Variants in DNAH8 observed in about 807,000 individuals in gnomAD.
The protein encoded by DNAH8 is dynein axonemal heavy chain 8.
A neutral mutation model predicts 562.1 loss-of-function variants in DNAH8; 382 were observed. The observed-to-expected ratio is 0.68, with a 90% confidence interval of 0.63 to 0.74. The LOEUF (loss-of-function observed/expected upper bound fraction) is 0.74. Among genes scored for constraint, DNAH8 ranks in the 30% least tolerant of loss-of-function variants. DNAH8 has a pLI of 0.00. For missense variants in DNAH8, 5,203 were observed against 5,620.4 expected (o/e 0.93, Z 2.37); for synonymous variants, 1,881 against 1,919.4 (o/e 0.98, Z 0.52).
chr6:38,969,953 G>A (rs12203988), intron 82 of DNAH8, among the ~76,000 whole-genome samples: 2,174 of 152,178 alleles, frequency 0.014, 19 homozygotes, highest in Middle Eastern at 0.048. Flanking sequence ...CACCAGTTAG[G>A]AGGCCATTCC....
At chr6:38,769,501 TATA>T (rs146533213) in intron 11 of DNAH8, among the ~76,000 whole-genome samples, 18,501 of 152,234 alleles carry the variant, frequency 0.12, 1,372 homozygotes, top group Admixed American at 0.21. Context: ...TCTGAATATT[TATA>T]GGAATCACTA....
chr6:38,937,916 A>G (rs1426017448), intron 77 of DNAH8, 58 bp from the exon 78 acceptor site: 5 of 1,569,144 alleles, frequency 3.2e-6, no homozygotes, highest in Non-Finnish European at 4.3e-6. Context: ...GAAGAGATGT[A>G]TCTTGCTTTG....
At chr6:38,753,264 ATGGTGT>A (rs1206741974) in intron 9 of DNAH8, among the ~76,000 whole-genome samples, 2 of 152,232 alleles carry the variant, frequency 1.3e-5, no homozygotes, top group Non-Finnish European at 2.9e-5. Flanking sequence ...CAAATTGTAT[ATGGTGT>A]TGGAGAAGTA....
At chr6:38,967,056 T>A (rs1020863882) in intron 82 of DNAH8, among the ~76,000 whole-genome samples, 1 of 152,214 alleles carries the variant, frequency 6.6e-6, no homozygotes, top group African/African-American at 2.4e-5. Flanking sequence ...AAACATTTAG[T>A]CCATTGCAGA....
intron 87 of DNAH8, among the ~76,000 whole-genome samples, chr6:38,984,668 G>A (rs1157394042): frequency 1.3e-5 from 2 of 152,172 alleles, no homozygotes; most frequent in Non-Finnish European, 2.9e-5. Flanking sequence ...GTGAGTTCCT[G>A]TAGTCCCAGC....
intron 80 of DNAH8, among the ~76,000 whole-genome samples, chr6:38,948,420 C>T (rs1248405830): frequency 3.3e-5 from 5 of 152,254 alleles, no homozygotes; most frequent in Admixed American, 3.3e-4. Flanking sequence ...CTCACAGCAA[C>T]ATCTGCCTCC....
chr6:38,833,926 T>C (rs983742682), intron 31 of DNAH8, among the ~76,000 whole-genome samples: 16 of 152,356 alleles, frequency 1.1e-4, no homozygotes, highest in Middle Eastern at 3.4e-3. Context: ...CATTTTTCCA[T>C]TGGGAGTAGC....
At position 38,787,019 on chromosome 6, in the gene DNAH8, A is replaced by G. The variant is rs1769230053; in HGVS notation, c.2583+67A>G. ...TTTGGTAAAAAAAATATGTATATATATATATATATCCCTGCAGTTATGCTT... is the reference window on the plus strand; with the variant it reads ...TTTGGTAAAAAAAATATGTATATATGTATATATATCCCTGCAGTTATGCTT... On this transcript the variant is annotated intron_variant, in intron 18 of 92. Coordinates refer to ENST00000327475, the MANE Select transcript of DNAH8 (RefSeq NM_001206927.2). The G allele has an allele frequency of 1.1e-5, 10 of 948,266 alleles. No individual in the cohort carries two copies. In the East Asian group the frequency reaches 2.5e-4, roughly 24 times the overall value. The allele number at this position is 948,266 out of a possible 1,614,324, so 58.7% of individuals were successfully genotyped here. A position where few individuals can be genotyped will look rare whatever the true frequency, so the allele number is the denominator to read the frequency against.
rs1442325899 is a variant in DNAH8, at chr6:38,982,423, G to A, written c.12912G>A (p.Gln4304=). ...CTGCTGACTTTTCAGCCAGTGTTCAGTTTATTCAGAATCACCTTGATGAAT... is the reference window on the plus strand; with the variant it reads ...CTGCTGACTTTTCAGCCAGTGTTCAATTTATTCAGAATCACCTTGATGAAT... ...FNSADFSASV[Q]FIQNHLDECD... The change falls in exon 86 of 93, where the codon CAG becomes CAA. Residue 4304 remains glutamine (Q), a synonymous_variant. Coordinates refer to ENST00000327475, the MANE Select transcript of DNAH8 (RefSeq NM_001206927.2). 1.1e-5 allele frequency: 18 copies of A among 1,607,638 alleles called. No homozygotes were observed. Among genetic ancestry groups the A allele is most frequent in the Non-Finnish European group, 1.4e-5 (17 of 1,174,358 alleles).
intron 8 of DNAH8, among the ~76,000 whole-genome samples, chr6:38,746,047 C>G (rs1764899858): frequency 6.6e-6 from 1 of 152,190 alleles, no homozygotes; most frequent in South Asian, 2.1e-4. Context: ...ATAGGTGGGT[C>G]TTGACTGCGG....
At chr6:38,870,344 G>T in intron 48 of DNAH8, 57 bp from the exon 49 acceptor site, 1 of 1,521,282 alleles carries the variant, frequency 6.6e-7, no homozygotes, top group South Asian at 1.2e-5. Flanking sequence ...ATCCCAGCTA[G>T]CTGATAAATG....
chr6:38,762,131 A>C lies in DNAH8; in HGVS notation c.1617+328A>C, dbSNP rs578222024. On this transcript the variant is annotated intron_variant, in intron 11 of 92. Coordinates refer to ENST00000327475, the MANE Select transcript of DNAH8 (RefSeq NM_001206927.2). ...TGGTTAGGATTACCATGTATCCTTA[A>C]ATAGACATGGTAGTAGTTGCCATCC... Among the ~76,000 whole-genome samples the C allele has an allele frequency of 2.0e-5, 3 of 152,296 alleles. 1 individual carries two copies. The South Asian group carries it at 6.2e-4, about 32-fold the overall frequency.
chr6:38,916,329 A>C (rs1259348051), intron 68 of DNAH8, among the ~76,000 whole-genome samples: 2 of 152,120 alleles, frequency 1.3e-5, no homozygotes. Flanking sequence ...AATTAGAGTC[A>C]TTCTTTAAAT....
chr6:38,797,118 A>C (rs1011417605), intron 21 of DNAH8, among the ~76,000 whole-genome samples: 3 of 152,186 alleles, frequency 2.0e-5, no homozygotes, highest in African/African-American at 7.2e-5. Flanking sequence ...TTGGGGCTGG[A>C]CGCGGTGACT....
rs1030190630 is a variant in DNAH8 at position 39,010,780 on chromosome 6, T to C, written c.13372-1435T>C. ...TAGATATAATTTATATATATATATATACACACACACGCACGTGTACGCACA... is the reference window on the plus strand; with the variant it reads ...TAGATATAATTTATATATATATATACACACACACACGCACGTGTACGCACA... On this transcript the variant is annotated intron_variant, in intron 89 of 92. Coordinates refer to ENST00000327475, the MANE Select transcript of DNAH8 (RefSeq NM_001206927.2). 4.9e-3 allele frequency among the ~76,000 whole-genome samples: 716 copies of C among 144,990 alleles called. 2 individuals carry two copies. Among genetic ancestry groups the C allele is most frequent in the African/African-American group, 9.4e-3 (361 of 38,352 alleles).
chr6:38,898,612 G>T (rs1316202027), intron 61 of DNAH8, among the ~76,000 whole-genome samples: 1 of 152,138 alleles, frequency 6.6e-6, no homozygotes, highest in African/African-American at 2.4e-5. Context: ...ATGGTTTTCT[G>T]TTCAGAGCTT....
chr6:38,875,978 G>C (rs1777963388), intron 53 of DNAH8, 150 bp downstream of exon 53: 2 of 626,336 alleles, frequency 3.2e-6, no homozygotes, highest in Non-Finnish European at 5.4e-6. Flanking sequence ...ATTTGAAAGA[G>C]AGTGGAATTT....
intron 79 of DNAH8, among the ~76,000 whole-genome samples, chr6:38,944,926 C>T (rs1783738307): frequency 6.6e-6 from 1 of 151,882 alleles, no homozygotes; most frequent in African/African-American, 2.4e-5. Flanking sequence ...TATCCCTGGC[C>T]TATGTTTCTC....
chr6:38,819,860 A>T (rs1191993319), intron 26 of DNAH8, among the ~76,000 whole-genome samples: 1 of 152,060 alleles, frequency 6.6e-6, no homozygotes, highest in Non-Finnish European at 1.5e-5. Flanking sequence ...AGAAACACAG[A>T]TTTTTTTTAT....
Sources: gnomAD v4.1 joint callset for allele counts (sites outside exome capture counted in the v4.1 genomes callset) on GRCh38, gnomAD v4.1.1 for gene constraint, MANE v1.5 for transcripts, NCBI Gene and HGNC (gene_info 2026-07-23, HGNC 2026-07-21) for gene names.